SSH2: variants seen among roughly 807,000 people sequenced by gnomAD.
The protein encoded by SSH2 is slingshot protein phosphatase 2.
SSH2 carries 37 observed loss-of-function variants against 135.2 expected under a neutral mutation model. That is an observed-to-expected ratio of 0.27 (90% CI 0.21 to 0.36). The LOEUF is 0.36. Ranked by LOEUF, SSH2 falls within the 10% of genes least tolerant of loss-of-function variation. SSH2 has a pLI of 1.00. For missense variants in SSH2, 1,408 were observed against 1,765.3 expected (o/e 0.80, Z 3.63); for synonymous variants, 628 against 646.2 (o/e 0.97, Z 0.43).
intron 3 of SSH2, among the ~76,000 whole-genome samples, chr17:29,717,156 G>A (rs1226429594): frequency 1.3e-5 from 2 of 152,080 alleles, no homozygotes; most frequent in Non-Finnish European, 2.9e-5. Context: ...TTTTTTTGAA[G>A]CAGGGTCTCA....
intron 14 of SSH2, among the ~76,000 whole-genome samples, chr17:29,647,473 G>A (rs2036423108): frequency 6.6e-6 from 1 of 151,048 alleles, no homozygotes; most frequent in African/African-American, 2.4e-5. Context: ...TTTTTTAAGG[G>A]CAGCTGAACC....
At chr17:29,716,092 G>C (rs1598865525) in intron 3 of SSH2, among the ~76,000 whole-genome samples, 1 of 152,100 alleles carries the variant, frequency 6.6e-6, no homozygotes, top group Non-Finnish European at 1.5e-5. Flanking sequence ...CAATCTGAGA[G>C]AATGATGTGA....
intron 7 of SSH2, 102 bp downstream of exon 7, chr17:29,677,571 C>T: frequency 3.2e-6 from 3 of 928,234 alleles, no homozygotes. Flanking sequence ...CATGAAAGTT[C>T]AGTTGGCACA....
At chr17:29,711,936 C>T (rs1319017836) in intron 3 of SSH2, among the ~76,000 whole-genome samples, 1 of 152,120 alleles carries the variant, frequency 6.6e-6, no homozygotes, top group Non-Finnish European at 1.5e-5. Flanking sequence ...TTTATTTTGC[C>T]AAAGTTAAGA....
intron 2 of SSH2, among the ~76,000 whole-genome samples, chr17:29,842,453 CAA>C (rs372367860): frequency 0.017 from 2,038 of 117,678 alleles, 35 homozygotes; most frequent in African/African-American, 0.039. Flanking sequence ...GACTCAGTGT[CAA>C]AAAAAAAAAA....
chr17:29,636,581 G>A lies in SSH2; in HGVS notation c.1649C>T (p.Thr550Ile), dbSNP rs777611334. The A allele has an allele frequency of 6.2e-7, 1 of 1,614,056 alleles. No individual in the cohort carries two copies. The highest frequency in any genetic ancestry group is 1.1e-5 in the South Asian group (1 of 91,072). The change falls in exon 15 of 16, where the codon ACC (threonine) becomes ATC (isoleucine). Residue 550 changes from threonine to isoleucine, a missense_variant. Coordinates refer to ENST00000540801, the MANE Select transcript of SSH2 (RefSeq NM_001282129.2). ...CTCCAAGCAGATCATTCTTTCTTTGGTACACAGGCCTTTCTGATTTGCATC... is the reference window on the plus strand; with the variant it reads ...CTCCAAGCAGATCATTCTTTCTTTGATACACAGGCCTTTCTGATTTGCATC... The part of the protein sequence containing the change: ...PQDANQKGLC[T>I]KERMICLEFT...
At position 29,723,988 on chromosome 17, in the gene SSH2, A is replaced by G. The variant is rs530884266; in HGVS notation, c.189-20926T>C. ...AAAAGATGTGGGAAATCTCTTGTTC[A>G]GGCACAGTAGCCTCTCTTAGGTCCT... On this transcript the variant is annotated intron_variant, in intron 3 of 15. Coordinates refer to ENST00000540801, the MANE Select transcript of SSH2 (RefSeq NM_001282129.2). Among the ~76,000 whole-genome samples the G allele has an allele frequency of 7.3e-3, 1,106 of 152,272 alleles. 17 individuals carry two copies. Among genetic ancestry groups the G allele is most frequent in the African/African-American group, 0.025 (1,051 of 41,538 alleles).
intron 9 of SSH2, among the ~76,000 whole-genome samples, chr17:29,669,324 A>G (rs749560251): frequency 2.6e-5 from 4 of 152,240 alleles, no homozygotes; most frequent in Non-Finnish European, 5.9e-5. Context: ...AACAACATGT[A>G]TGAAGTGCTG....
intron 11 of SSH2, among the ~76,000 whole-genome samples, chr17:29,664,747 T>C (rs1294530947): frequency 6.6e-6 from 1 of 152,156 alleles, no homozygotes; most frequent in African/African-American, 2.4e-5. Context: ...CTGGCACAAA[T>C]GCTCAAATGC....
chr17:29,645,778 T>A (rs553811471), intron 14 of SSH2: 8 of 152,260 alleles, frequency 5.3e-5, no homozygotes, highest in African/African-American at 1.9e-4. Context: ...CGCTTCAGTA[T>A]CCTCCCAGCC....
intron 2 of SSH2, among the ~76,000 whole-genome samples, chr17:29,799,315 C>T (rs2042210670): frequency 6.6e-6 from 1 of 152,076 alleles, no homozygotes; most frequent in South Asian, 2.1e-4. Flanking sequence ...ACTGCAGGGT[C>T]ATAGAGTAAA....
intron 12 of SSH2, among the ~76,000 whole-genome samples, chr17:29,651,314 C>T (rs1404862885): frequency 1.3e-5 from 2 of 152,184 alleles, no homozygotes; most frequent in African/African-American, 4.8e-5. Flanking sequence ...TGTGCAATTA[C>T]TCTCTCTAAA....
intron 1 of SSH2, among the ~76,000 whole-genome samples, chr17:29,853,933 G>C (rs928101749): frequency 8.6e-5 from 13 of 151,188 alleles, no homozygotes; most frequent in African/African-American, 3.2e-4. Flanking sequence ...TAGCAAGATA[G>C]GTGTCTCTAC....
At chr17:29,641,498 T>C (rs1317797449) in intron 14 of SSH2, 1 of 152,208 alleles carries the variant, frequency 6.6e-6, no homozygotes, top group Non-Finnish European at 1.5e-5. Flanking sequence ...GCCTCTGACC[T>C]GAATTTGGAT....
intron 1 of SSH2, among the ~76,000 whole-genome samples, chr17:29,906,390 A>T (rs1348842588): frequency 6.6e-6 from 1 of 152,146 alleles, no homozygotes; most frequent in African/African-American, 2.4e-5. Context: ...TTAAATGTAA[A>T]ACCCAAAACT....
At position 29,750,455 on chromosome 17, in the gene SSH2, T is replaced by TAAA. The variant is rs1567946002; in HGVS notation, c.188+43438_188+43439insTTT. On this transcript the variant is annotated intron_variant, in intron 3 of 15. Transcript: ENST00000540801. ...CTCTGTCTCAAAAAAAAAAAAAAAT[T>TAAA]TTTTTTTAAATAAATAAAAATAAAA... Among the ~76,000 whole-genome samples, 77 of 128,208 alleles carry TAAA rather than the reference T, an allele frequency of 6.0e-4. 1 individual carries two copies. Among genetic ancestry groups the TAAA allele is most frequent in the South Asian group, 9.7e-4 (4 of 4,124 alleles). 84.1% of individuals were successfully genotyped at this position (128,208 alleles called of 152,430 possible).
chr17:29,878,843 T>C (rs2066084094), intron 1 of SSH2, among the ~76,000 whole-genome samples: 1 of 152,210 alleles, frequency 6.6e-6, no homozygotes, highest in Admixed American at 6.5e-5. Context: ...TTGTTTAATT[T>C]TCTGAGCTAT....
chr17:29,895,143 T>C (rs2066421809), intron 1 of SSH2, among the ~76,000 whole-genome samples: 1 of 148,302 alleles, frequency 6.7e-6, no homozygotes, highest in African/African-American at 2.5e-5. Flanking sequence ...CATTCTATTT[T>C]ATTTATAGAT....
intron 1 of SSH2, among the ~76,000 whole-genome samples, chr17:29,887,764 G>T (rs986420881): frequency 7.9e-5 from 12 of 152,310 alleles, no homozygotes; most frequent in African/African-American, 2.4e-4. Flanking sequence ...GTCTTCTGCA[G>T]TTCAGGTTAG....
Sources: allele counts gnomAD v4.1 joint callset (sites outside exome capture counted in the v4.1 genomes callset), GRCh38; gene constraint gnomAD v4.1.1; transcripts MANE v1.5; gene names NCBI Gene and HGNC (gene_info 2026-07-23, HGNC 2026-07-21).